Variants in MAD1L1 observed in about 807,000 individuals in gnomAD.
MAD1L1 encodes the protein mitotic arrest deficient 1 like 1, also known as mitotic spindle assembly checkpoint protein MAD1.
MAD1L1 carries 95 observed loss-of-function variants against 96.9 expected under a neutral mutation model. The ratio of observed to expected loss-of-function variants is 0.98; its 90% CI spans 0.83 to 1.16. The LOEUF (loss-of-function observed/expected upper bound fraction) is 1.16, where lower values mean the gene tolerates loss of function less well. MAD1L1 is among the 50% of genes most tolerant of loss of function. MAD1L1 has a pLI of 0.00. For synonymous variants in MAD1L1, 473 were observed against 396.6 expected, an observed-to-expected ratio of 1.19 and a Z score of -2.29; for missense variants, 1,007 against 954.4, an observed-to-expected ratio of 1.06 and a Z score of -0.73.
chr7:1,963,747 G>A (rs1193128198), intron 15 of MAD1L1, among the ~76,000 whole-genome samples: 1 of 152,154 alleles, frequency 6.6e-6, no homozygotes, highest in Non-Finnish European at 1.5e-5. Context: ...TGGGTGTCTG[G>A]GGCACTCCCA....
chr7:1,825,639 G>A (rs553382538), intron 18 of MAD1L1, among the ~76,000 whole-genome samples: 14 of 152,360 alleles, frequency 9.2e-5, no homozygotes, highest in South Asian at 2.1e-4. Context: ...CCGTCTGAGC[G>A]CCTGTGAACA....
chr7:1,899,532 G>A (rs1787109478), intron 17 of MAD1L1, among the ~76,000 whole-genome samples: 1 of 152,214 alleles, frequency 6.6e-6, no homozygotes, highest in South Asian at 2.1e-4. Flanking sequence ...CAGCTCCCTG[G>A]CTAGGCTGAG....
chr7:2,146,691 C>T lies in MAD1L1; in HGVS notation c.1073+2461G>A, dbSNP rs1789324065. Among the ~76,000 whole-genome samples, 1 of 152,228 alleles carries T rather than the reference C, an allele frequency of 6.6e-6. No homozygotes were observed. Among genetic ancestry groups the T allele is most frequent in the Non-Finnish European group, 1.5e-5 (1 of 68,032 alleles). ...AAACAAAAGTGACTTTAAAATGAGG[C>T]CCGCCTGGCAAAGCCCTCGGGGATC... On this transcript the variant is annotated intron_variant, in intron 11 of 18. Coordinates refer to ENST00000265854, the MANE Select transcript of MAD1L1 (RefSeq NM_001013836.2). This position sits in a 1 kb window ranked among gnomAD's most constrained non-coding sequence, Gnocchi z 6.2.
chr7:1,818,284 A>G (rs1781933374), intron 18 of MAD1L1, among the ~76,000 whole-genome samples: 1 of 152,142 alleles, frequency 6.6e-6, no homozygotes, highest in Non-Finnish European at 1.5e-5. Flanking sequence ...ACTGTGGTGC[A>G]GACTCTGGCC....
chr7:2,202,691 G>A (rs1792376749), intron 10 of MAD1L1, among the ~76,000 whole-genome samples: 1 of 152,142 alleles, frequency 6.6e-6, no homozygotes, highest in South Asian at 2.1e-4. Flanking sequence ...CCTGACAGTC[G>A]CCCACCTTCC....
At chr7:2,197,830 ACACACATTCC>A (rs906368798) in intron 10 of MAD1L1, among the ~76,000 whole-genome samples, 19 of 152,100 alleles carry the variant, frequency 1.2e-4, no homozygotes, top group Non-Finnish European at 2.6e-4. Flanking sequence ...GACACTTCAA[ACACACATTCC>A]CAAAACAGAG....
chr7:1,944,953 G>C (rs1238979265), intron 16 of MAD1L1, among the ~76,000 whole-genome samples: 1 of 152,220 alleles, frequency 6.6e-6, no homozygotes, highest in East Asian at 1.9e-4. Flanking sequence ...GCCCCTGCAA[G>C]TGCACAGTGC....
chr7:1,973,569 G>A (rs988369434), intron 15 of MAD1L1, among the ~76,000 whole-genome samples: 3 of 152,118 alleles, frequency 2.0e-5, no homozygotes, highest in Admixed American at 1.3e-4. Context: ...TCAGCCCCTA[G>A]AGCGGGAATG....
At chr7:2,063,685 A>T (rs747825690) in intron 12 of MAD1L1, among the ~76,000 whole-genome samples, 3 of 152,198 alleles carry the variant, frequency 2.0e-5, no homozygotes, top group Non-Finnish European at 4.4e-5. Context: ...GCCCATTTCT[A>T]AATCGCTGCG....
chr7:2,126,581 G>A (rs1343545350), intron 11 of MAD1L1, among the ~76,000 whole-genome samples: 1 of 152,196 alleles, frequency 6.6e-6, no homozygotes, highest in Non-Finnish European at 1.5e-5. Context: ...GACACAGGCC[G>A]ATGCCGCCAG....
intron 11 of MAD1L1, among the ~76,000 whole-genome samples, chr7:2,105,070 G>A (rs1584332050): frequency 6.6e-6 from 1 of 152,310 alleles, no homozygotes; most frequent in South Asian, 2.1e-4. Flanking sequence ...GCCGGACACC[G>A]CAGTGAGGGG....
At chr7:2,164,004 G>C (rs750291442) in intron 10 of MAD1L1, among the ~76,000 whole-genome samples, 1 of 152,048 alleles carries the variant, frequency 6.6e-6, no homozygotes, top group Non-Finnish European at 1.5e-5. Flanking sequence ...CATTCATTGC[G>C]AATCTGTGAC....
At position 1,919,332 on chromosome 7, in the gene MAD1L1, G is replaced by C. The variant is rs185725940; in HGVS notation, c.1807+17355C>G. On this transcript the variant is annotated intron_variant, in intron 17 of 18. Coordinates refer to ENST00000265854, the MANE Select transcript of MAD1L1 (RefSeq NM_001013836.2). ...CTGCCCCGGCCTCAGATGGACACAC[G>C]GTGTGTTGGAGCCAGGGACACCTGC... Among the ~76,000 whole-genome samples the C allele has an allele frequency of 1.2e-3, 181 of 152,354 alleles. 1 individual carries two copies. Among genetic ancestry groups the C allele is most frequent in the African/African-American group, 4.1e-3 (169 of 41,590 alleles).
chr7:1,821,206 T>C (rs1385902201), intron 18 of MAD1L1, among the ~76,000 whole-genome samples: 1 of 151,972 alleles, frequency 6.6e-6, no homozygotes, highest in Non-Finnish European at 1.5e-5. Flanking sequence ...TTGATGCTCA[T>C]AACAAACTGG....
chr7:2,102,603 G>T (rs1334697670), intron 11 of MAD1L1, among the ~76,000 whole-genome samples: 1 of 147,120 alleles, frequency 6.8e-6, no homozygotes, highest in Non-Finnish European at 1.5e-5. Flanking sequence ...TGTCACCATC[G>T]GTGACACCAC....
intron 11 of MAD1L1, among the ~76,000 whole-genome samples, chr7:2,112,728 C>T (rs1787445196): frequency 1.3e-5 from 2 of 151,952 alleles, no homozygotes; most frequent in Admixed American, 6.5e-5. Flanking sequence ...GCAGGCAGCA[C>T]CCCACACCCA....
chr7:1,868,783 C>G (rs1443806450), intron 18 of MAD1L1, among the ~76,000 whole-genome samples: 1 of 152,182 alleles, frequency 6.6e-6, no homozygotes, highest in African/African-American at 2.4e-5. Flanking sequence ...ACCAGGGGAA[C>G]GCCCAGAAGA....
intron 10 of MAD1L1, among the ~76,000 whole-genome samples, chr7:2,199,053 C>T: frequency 6.6e-6 from 1 of 152,238 alleles, no homozygotes; most frequent in Admixed American, 6.5e-5. Context: ...GGCTGCCCCT[C>T]CCTGCCAGAG....
chr7:2,073,536 C>T (rs1785233862), intron 11 of MAD1L1, among the ~76,000 whole-genome samples: 1 of 152,216 alleles, frequency 6.6e-6, no homozygotes. Flanking sequence ...CACCATCTCC[C>T]CGATCCGCTG....
Sources: gnomAD v4.1 joint callset for allele counts (sites outside exome capture counted in the v4.1 genomes callset) on GRCh38, gnomAD v4.1.1 for gene constraint, Gnocchi (gnomAD v3.1) non-coding constraint, MANE v1.5 for transcripts, NCBI Gene and HGNC (gene_info 2026-07-23, HGNC 2026-07-21) for gene names.